Variants in IQSEC1 observed in about 807,000 individuals in gnomAD.
The protein encoded by IQSEC1 is IQ motif and SEC7 domain-containing protein 1.
IQSEC1 carries 31 observed loss-of-function variants against 91.0 expected under a neutral mutation model. The observed-to-expected ratio is 0.34, with a 90% CI of 0.26 to 0.46. The LOEUF (loss-of-function observed/expected upper bound fraction) is 0.46, where lower values mean the gene tolerates loss of function less well. Ranked by LOEUF, IQSEC1 falls within the 20% of genes least tolerant of loss-of-function variation. The probability of loss-of-function intolerance (pLI) is 1.00; values close to 1 mark genes in which losing one functional copy is unlikely to be tolerated. For synonymous variants in IQSEC1, 699 were observed against 662.6 expected (o/e 1.05, Z -0.84); for missense variants, 1,388 against 1,575.6 (o/e 0.88, Z 2.02).
At chr3:13,132,709 G>A (rs867333114) in intron 2 of IQSEC1, among the ~76,000 whole-genome samples, 1 of 152,106 alleles carries the variant, frequency 6.6e-6, no homozygotes, top group Non-Finnish European at 1.5e-5. Flanking sequence ...TGATGTCCAG[G>A]GTGTTGAAAA....
intron 1 of IQSEC1, among the ~76,000 whole-genome samples, chr3:13,265,307 C>T (rs1470373868): frequency 1.2e-5 from 1 of 82,422 alleles, no homozygotes; most frequent in African/African-American, 3.8e-5. Context: ...TCTGCCTGTG[C>T]ACTGGCACTG....
chr3:13,019,129 G>A (rs1703282317), intron 1 of IQSEC1, among the ~76,000 whole-genome samples: 1 of 152,236 alleles, frequency 6.6e-6, no homozygotes, highest in Non-Finnish European at 1.5e-5. Context: ...TTGCCCGAGG[G>A]CTGCACATCT....
chr3:13,070,368 G>T (rs1336642213), intron 1 of IQSEC1, among the ~76,000 whole-genome samples: 1 of 152,228 alleles, frequency 6.6e-6, no homozygotes, highest in Non-Finnish European at 1.5e-5. Context: ...CTAAGCATGA[G>T]AACGCTTTGC....
intron 1 of IQSEC1, among the ~76,000 whole-genome samples, chr3:13,265,845 C>A (rs1695479677): frequency 6.7e-6 from 1 of 149,542 alleles, no homozygotes; most frequent in African/African-American, 2.5e-5. Context: ...ATGTAACCAC[C>A]AGAGAGGCTG....
chr3:12,951,614 G>A (rs2125421232), intron 1 of IQSEC1, among the ~76,000 whole-genome samples: 1 of 152,318 alleles, frequency 6.6e-6, no homozygotes, highest in East Asian at 1.9e-4. Flanking sequence ...AAGCCTTACA[G>A]CCTGGCACGC....
rs1450504849 is a variant in IQSEC1, at chr3:13,008,283, A to G, written c.23+64709T>C. Among the ~76,000 whole-genome samples the G allele has an allele frequency of 6.6e-6, 1 of 151,654 alleles. No individual in the cohort carries two copies. The highest frequency in any genetic ancestry group is 1.5e-5 in the Non-Finnish European group (1 of 67,468). On this transcript the variant is annotated intron_variant, in intron 1 of 13. Transcript: ENST00000613206. The surrounding 1 kb of genome is among the most constrained non-coding windows in gnomAD (Gnocchi z 4.1). ...CTTCCCGCGTCGAAGCTCAGAGGTG[A>G]GCCTCAGCTGACCCTCCCTCCAGCA...
chr3:12,959,509 C>T (rs1345165420), intron 1 of IQSEC1, among the ~76,000 whole-genome samples: 1 of 152,190 alleles, frequency 6.6e-6, no homozygotes, highest in African/African-American at 2.4e-5. Flanking sequence ...CTAGCCTCTC[C>T]CAGTCACTTC....
intron 1 of IQSEC1, among the ~76,000 whole-genome samples, chr3:13,189,323 A>T (rs1693982258): frequency 6.6e-6 from 1 of 152,186 alleles, no homozygotes; most frequent in Non-Finnish European, 1.5e-5. Flanking sequence ...GGGAATGCTG[A>T]CCCAGCCCTG....
rs1701357209 is a variant in IQSEC1, at chr3:12,979,648, C to G, written c.24-37783G>C. On this transcript the variant is annotated intron_variant, in intron 1 of 13. Transcript: ENST00000613206. The surrounding 1 kb of genome is among the most constrained non-coding windows in gnomAD (Gnocchi z 4.3). ...ATGACTGTATTACTCCCTATATAATCAATACATTGCATTAAGCCTTTGTGG... is the reference window on the plus strand; with the variant it reads ...ATGACTGTATTACTCCCTATATAATGAATACATTGCATTAAGCCTTTGTGG... Among the ~76,000 whole-genome samples the G allele has an allele frequency of 6.6e-6, 1 of 152,102 alleles. No individual in the cohort carries two copies. The highest frequency in any genetic ancestry group is 1.5e-5 in the Non-Finnish European group (1 of 68,024).
At chr3:13,041,832 C>T (rs774287231) in intron 1 of IQSEC1, among the ~76,000 whole-genome samples, 3 of 152,214 alleles carry the variant, frequency 2.0e-5, no homozygotes, top group South Asian at 2.1e-4. Context: ...GACTGAACTT[C>T]GGGCTCCTGA....
chr3:13,213,542 C>G (rs577865087), intron 1 of IQSEC1, among the ~76,000 whole-genome samples: 15 of 152,204 alleles, frequency 9.9e-5, no homozygotes, highest in Non-Finnish European at 2.1e-4. Flanking sequence ...GCTCATCACC[C>G]ACGTTCTTGG....
At chr3:13,135,214 C>A (rs536885308) in intron 2 of IQSEC1, among the ~76,000 whole-genome samples, 1 of 152,220 alleles carries the variant, frequency 6.6e-6, no homozygotes, top group Non-Finnish European at 1.5e-5. Flanking sequence ...GCCTCATAAG[C>A]ACAGTTCAAG....
intron 2 of IQSEC1, among the ~76,000 whole-genome samples, chr3:13,097,917 C>T (rs945914126): frequency 6.6e-6 from 1 of 152,214 alleles, no homozygotes; most frequent in African/African-American, 2.4e-5. Context: ...GCCCATCTGT[C>T]CCACAGGGGT....
In IQSEC1 at chr3:12,994,750, T is replaced by A. The variant is rs2125643306; in HGVS notation, c.24-52885A>T. 6.6e-6 allele frequency among the ~76,000 whole-genome samples: 1 copy of A among 152,106 alleles called. No individual in the cohort carries two copies. The highest frequency in any genetic ancestry group is 2.4e-5 in the African/African-American group (1 of 41,506). On this transcript the variant is annotated intron_variant, in intron 1 of 13. Coordinates refer to ENST00000613206, the MANE Select transcript of IQSEC1 (RefSeq NM_001134382.3). This position sits in a 1 kb window ranked among gnomAD's most constrained non-coding sequence, Gnocchi z 4.5. ...CCTCCAGGACACACCCTCCTGACTG[T>A]TTGGGGACGGGGTGGGGACCTGGGC...
intron 1 of IQSEC1, among the ~76,000 whole-genome samples, chr3:13,264,955 T>G (rs1695462477): frequency 6.6e-6 from 1 of 152,120 alleles, no homozygotes; most frequent in Admixed American, 6.5e-5. Context: ...TCTCTCTGTC[T>G]GTCTGTCTGC....
intron 2 of IQSEC1, among the ~76,000 whole-genome samples, chr3:13,100,208 G>T (rs1402599392): frequency 1.4e-5 from 2 of 147,968 alleles, no homozygotes; most frequent in East Asian, 1.9e-4. Context: ...GAGTTGGGGG[G>T]TGTGGGGAGG....
chr3:12,906,815 G>C (rs1197612152), intron 12 of IQSEC1, among the ~76,000 whole-genome samples: 2 of 152,204 alleles, frequency 1.3e-5, no homozygotes, highest in African/African-American at 2.4e-5. Flanking sequence ...GCCTGAGAGG[G>C]GCTAAGGGAA....
chr3:13,139,515 G>T (rs1196612312), intron 2 of IQSEC1, among the ~76,000 whole-genome samples: 1 of 152,220 alleles, frequency 6.6e-6, no homozygotes, highest in African/African-American at 2.4e-5. Flanking sequence ...CTAAACAGTA[G>T]TACCTGCAGG....
At chr3:13,105,713 G>A (rs904141805) in intron 2 of IQSEC1, among the ~76,000 whole-genome samples, 2 of 152,050 alleles carry the variant, frequency 1.3e-5, no homozygotes, top group African/African-American at 4.8e-5. Flanking sequence ...ACCAGTGAAA[G>A]ACTGCATTTC....
Sources: gnomAD v4.1 joint callset for allele counts (sites outside exome capture counted in the v4.1 genomes callset) on GRCh38, gnomAD v4.1.1 for gene constraint, Gnocchi (gnomAD v3.1) non-coding constraint, MANE v1.5 for transcripts, NCBI Gene and HGNC (gene_info 2026-07-23, HGNC 2026-07-21) for gene names.